SOX6: variants seen among roughly 807,000 people sequenced by gnomAD.
SOX6 encodes the protein SRY-box transcription factor 6.
SOX6 carries 11 observed loss-of-function variants against 97.8 expected under a neutral mutation model. That is an observed-to-expected ratio of 0.11 (90% CI 0.07 to 0.19). The LOEUF (loss-of-function observed/expected upper bound fraction) is 0.19. Among genes scored for constraint, SOX6 ranks in the 10% least tolerant of loss-of-function variants. The probability of loss-of-function intolerance (pLI) is 1.00; values close to 1 mark genes in which losing one functional copy is unlikely to be tolerated. For missense variants in SOX6, 810 were observed against 1,039.5 expected (o/e 0.78, Z 3.04); for synonymous variants, 360 against 371.4 (o/e 0.97, Z 0.35).
chr11:16,345,575 C>G (rs1209565278), intron 1 of SOX6, among the ~76,000 whole-genome samples: 5 of 152,008 alleles, frequency 3.3e-5, no homozygotes, highest in Non-Finnish European at 5.9e-5. Flanking sequence ...AATGTTTGGC[C>G]TACTACAAAC....
chr11:16,556,523 A>C (rs1454912122), intron 4 of SOX6, among the ~76,000 whole-genome samples: 1 of 151,790 alleles, frequency 6.6e-6, no homozygotes, highest in Non-Finnish European at 1.5e-5. Flanking sequence ...AAATATAACC[A>C]CAGAATCACA....
intron 3 of SOX6, among the ~76,000 whole-genome samples, chr11:16,615,302 A>G (rs969466726): frequency 2.0e-5 from 3 of 152,244 alleles, no homozygotes; most frequent in Non-Finnish European, 2.9e-5. Flanking sequence ...TTAGACTTGT[A>G]CAATGTCCTG....
At chr11:16,731,870 A>C (rs1024921623) in intron 2 of SOX6, among the ~76,000 whole-genome samples, 1 of 152,220 alleles carries the variant, frequency 6.6e-6, no homozygotes, top group African/African-American at 2.4e-5. Flanking sequence ...AAATCTCCTT[A>C]AGCTGATAAG....
At chr11:16,712,777 T>G (rs1452554797) in intron 3 of SOX6, among the ~76,000 whole-genome samples, 1 of 152,230 alleles carries the variant, frequency 6.6e-6, no homozygotes, top group Non-Finnish European at 1.5e-5. Flanking sequence ...TTTATGTAGT[T>G]GTCTTTTTAT....
At chr11:16,713,555 C>T (rs1848196647) in intron 3 of SOX6, among the ~76,000 whole-genome samples, 1 of 152,034 alleles carries the variant, frequency 6.6e-6, no homozygotes, top group Admixed American at 6.5e-5. Flanking sequence ...TTTAAGTTTT[C>T]CTAATAGCTA....
chr11:16,581,460 G>A (rs1848031453), intron 4 of SOX6, among the ~76,000 whole-genome samples: 1 of 152,080 alleles, frequency 6.6e-6, no homozygotes, highest in Non-Finnish European at 1.5e-5. Context: ...AGGGTGGAAG[G>A]GGAGGGAGAG....
chr11:16,218,003 TTA>T (rs772102223), intron 4 of SOX6, among the ~76,000 whole-genome samples: 41 of 152,158 alleles, frequency 2.7e-4, no homozygotes, highest in Non-Finnish European at 4.9e-4. Flanking sequence ...GGTGTTGATT[TTA>T]TGTTTGCTTC....
chr11:16,154,354 T>G (rs935560372), intron 6 of SOX6, among the ~76,000 whole-genome samples: 1 of 152,142 alleles, frequency 6.6e-6, no homozygotes, highest in Non-Finnish European at 1.5e-5. Context: ...CTAATTAACA[T>G]GCTGCGACAA....
intron 3 of SOX6, chr11:16,313,240 A>T (rs1330438959): frequency 6.6e-6 from 1 of 152,220 alleles, no homozygotes; most frequent in Non-Finnish European, 1.5e-5. Context: ...TCATGCAAAT[A>T]TAGTTTTTAA....
intron 3 of SOX6, among the ~76,000 whole-genome samples, chr11:16,632,984 C>T (rs1590022620): frequency 1.3e-5 from 2 of 152,176 alleles, no homozygotes; most frequent in South Asian, 2.1e-4. Context: ...GCTGTTGATC[C>T]AAGTGAGCTG....
At chr11:16,070,264 A>C (rs1390963454) in intron 9 of SOX6, among the ~76,000 whole-genome samples, 1 of 151,972 alleles carries the variant, frequency 6.6e-6, no homozygotes, top group African/African-American at 2.4e-5. Flanking sequence ...CTCTAACATA[A>C]CTCTTTGAGC....
chr11:16,438,587 T>C (rs1306701510), intron 1 of SOX6, among the ~76,000 whole-genome samples: 2 of 152,306 alleles, frequency 1.3e-5, no homozygotes, highest in East Asian at 3.9e-4. Flanking sequence ...TCTTCAAGTC[T>C]TTCTTAGAAC....
intron 9 of SOX6, among the ~76,000 whole-genome samples, chr11:16,068,472 A>AT (rs2133938882): frequency 6.6e-6 from 1 of 152,326 alleles, no homozygotes; most frequent in African/African-American, 2.4e-5. Context: ...TAAATCTCCA[A>AT]TGTCAACAAA....
At chr11:16,503,695 T>C (rs1012258432) in intron 4 of SOX6, among the ~76,000 whole-genome samples, 15 of 152,034 alleles carry the variant, frequency 9.9e-5, no homozygotes, top group African/African-American at 3.6e-4. Flanking sequence ...TAAAAAGAGA[T>C]GAAAATGTCA....
intron 2 of SOX6, among the ~76,000 whole-genome samples, chr11:16,331,095 C>T (rs1346811325): frequency 1.3e-5 from 2 of 152,100 alleles, no homozygotes; most frequent in African/African-American, 4.8e-5. Flanking sequence ...AAGAGGTAAC[C>T]ACTTACTCTG....
intron 4 of SOX6, among the ~76,000 whole-genome samples, chr11:16,226,051 A>G (rs1015400046): frequency 6.6e-6 from 1 of 152,172 alleles, no homozygotes; most frequent in African/African-American, 2.4e-5. Context: ...CAGACATATT[A>G]GTTGAGTAAC....
chr11:16,011,388 T>C (rs1352816964), intron 13 of SOX6, among the ~76,000 whole-genome samples: 1 of 152,100 alleles, frequency 6.6e-6, no homozygotes, highest in Non-Finnish European at 1.5e-5. Context: ...TTTATAAATA[T>C]CATGGTGAAC....
At chr11:16,325,831 G>C (rs1173723221) in intron 2 of SOX6, among the ~76,000 whole-genome samples, 1 of 152,148 alleles carries the variant, frequency 6.6e-6, no homozygotes, top group East Asian at 1.9e-4. Context: ...GAGCCCTCAT[G>C]AATGGTATTA....
At chr11:16,132,398 GAAA>G (rs372372378) in intron 6 of SOX6, among the ~76,000 whole-genome samples, 2,663 of 47,536 alleles carry the variant, frequency 0.056, 256 homozygotes, top group East Asian at 0.22. Context: ...AAGAAAGAAA[GAAA>G]AAAGAAAGAA....
Sources: allele counts gnomAD v4.1 joint callset (sites outside exome capture counted in the v4.1 genomes callset), GRCh38; gene constraint gnomAD v4.1.1; transcripts MANE v1.5; gene names NCBI Gene and HGNC (gene_info 2026-07-23, HGNC 2026-07-21).